The following ELAPOR1 variants were observed in gnomAD, a reference collection of about 807,000 sequenced individuals.
The protein encoded by ELAPOR1 is endosome/lysosome-associated apoptosis and autophagy regulator 1.
A neutral mutation model predicts 119.7 loss-of-function variants in ELAPOR1; 77 were observed. The ratio of observed to expected loss-of-function variants is 0.64; its 90% CI spans 0.54 to 0.78. The LOEUF is 0.78. Among genes scored for constraint, ELAPOR1 ranks in the 30% least tolerant of loss-of-function variants. The pLI, the probability that ELAPOR1 is intolerant of heterozygous loss-of-function variation, is 0.00. For synonymous variants in ELAPOR1, 481 were observed against 487.2 expected (o/e 0.99, Z 0.17); for missense variants, 1,115 against 1,270.4 (o/e 0.88, Z 1.86).
At chr1:109,134,172 TCTC>T (rs1319198436) in intron 1 of ELAPOR1, among the ~76,000 whole-genome samples, 1 of 152,134 alleles carries the variant, frequency 6.6e-6, no homozygotes, top group East Asian at 1.9e-4. Context: ...GCTTGAGTGT[TCTC>T]CTTTAGATTC....
intron 13 of ELAPOR1, among the ~76,000 whole-genome samples, chr1:109,192,139 T>G (rs906211475): frequency 5.9e-5 from 9 of 152,162 alleles, no homozygotes; most frequent in Admixed American, 2.6e-4. Flanking sequence ...TTTTTAATAA[T>G]AACAACTCTG....
At chr1:109,121,866 C>T (rs1002140910) in intron 1 of ELAPOR1, among the ~76,000 whole-genome samples, 4 of 151,090 alleles carry the variant, frequency 2.6e-5, no homozygotes, top group East Asian at 1.9e-4. Context: ...CTCTGCTTCC[C>T]GGGTTCAAGC....
Position 109,204,675 on chromosome 1 carries a change from A to C in ELAPOR1, c.*1663A>C, listed in dbSNP as rs1654386357. 6.6e-6 allele frequency: 1 copy of C among 152,338 alleles called. No homozygotes were observed. Among genetic ancestry groups the C allele is most frequent in the African/African-American group, 2.4e-5 (1 of 41,476 alleles). The allele number at this position is 152,338 out of a possible 1,614,324, so 9.4% of individuals were successfully genotyped here. A position where few individuals can be genotyped will look rare whatever the true frequency, so the allele number is the denominator to read the frequency against. On this transcript the variant is annotated 3_prime_UTR_variant, in exon 22 of 22. Transcript: ENST00000369939. ...TAACGCATCTGCTCAGGCACAGAAT[A>C]AACGTCTAGGCTGGCCAAAAAAGGA...
At chr1:109,202,092 C>T (rs1654205221) in intron 21 of ELAPOR1, among the ~76,000 whole-genome samples, 1 of 152,018 alleles carries the variant, frequency 6.6e-6, no homozygotes, top group African/African-American at 2.4e-5. Context: ...AGAGCGAGAC[C>T]CTGTCTCTAA....
chr1:109,198,859 A>G (rs1352265128), intron 18 of ELAPOR1, among the ~76,000 whole-genome samples, 185 bp downstream of exon 18: 2 of 152,234 alleles, frequency 1.3e-5, no homozygotes, highest in Non-Finnish European at 2.9e-5. Context: ...GGTAGAAGGA[A>G]GAGTGAAAGC....
chr1:109,130,307 T>C (rs991661017), intron 1 of ELAPOR1, among the ~76,000 whole-genome samples: 5 of 152,102 alleles, frequency 3.3e-5, no homozygotes, highest in African/African-American at 1.2e-4. Context: ...CTGTTATGGT[T>C]ATCAAGTGCC....
At chr1:109,197,230 TG>T (rs1323592266) in intron 15 of ELAPOR1, among the ~76,000 whole-genome samples, 2 of 152,042 alleles carry the variant, frequency 1.3e-5, no homozygotes, top group Non-Finnish European at 2.9e-5. Flanking sequence ...AAGGCTTTAG[TG>T]AGCTATGATT....
chr1:109,184,267 A>C (rs1224300005), intron 7 of ELAPOR1, among the ~76,000 whole-genome samples: 2 of 152,078 alleles, frequency 1.3e-5, no homozygotes, highest in African/African-American at 4.8e-5. Flanking sequence ...GCTACTCAAG[A>C]AGCTGAGGCA....
intron 1 of ELAPOR1, among the ~76,000 whole-genome samples, chr1:109,159,900 CA>C (rs2101036543): frequency 6.6e-6 from 1 of 152,336 alleles, no homozygotes; most frequent in Admixed American, 6.5e-5. Context: ...TTAATTTATA[CA>C]CAGTGGATTT....
At chr1:109,155,269 G>A (rs529929143) in intron 1 of ELAPOR1, among the ~76,000 whole-genome samples, 4 of 152,070 alleles carry the variant, frequency 2.6e-5, no homozygotes, top group Admixed American at 6.5e-5. Flanking sequence ...TCCGCCTCCC[G>A]GGTTCACGCC....
rs150155888 is a variant in ELAPOR1, at chr1:109,183,774, G to A, written c.953-1271G>A. ...TGGGACTATAGGCCTGCACCACCAC[G>A]CCCGGCTAATTTTTGTATTTTTTGT... On this transcript the variant is annotated intron_variant, in intron 7 of 21. Coordinates refer to ENST00000369939, the MANE Select transcript of ELAPOR1 (RefSeq NM_020775.5). 4.3e-3 allele frequency among the ~76,000 whole-genome samples: 652 copies of A among 151,982 alleles called. 2 individuals are homozygous for A. The highest frequency in any genetic ancestry group is 6.1e-3 in the Non-Finnish European group (415 of 67,980).
intron 16 of ELAPOR1, 110 bp downstream of exon 16, chr1:109,197,764 A>G: frequency 8.2e-7 from 1 of 1,224,264 alleles, no homozygotes; most frequent in Non-Finnish European, 1.1e-6. Flanking sequence ...AAGGCCCCAC[A>G]TGAGGGGCCC....
At chr1:109,164,247 T>C (rs1465171816) in intron 2 of ELAPOR1, among the ~76,000 whole-genome samples, 1 of 152,100 alleles carries the variant, frequency 6.6e-6, no homozygotes, top group Non-Finnish European at 1.5e-5. Context: ...ACTTTCTGTC[T>C]CTATGGCTTC....
chr1:109,197,344 A>G, intron 15 of ELAPOR1, 130 bp from the exon 16 acceptor site: 1 of 756,450 alleles, frequency 1.3e-6, no homozygotes, highest in Non-Finnish European at 2.2e-6. Flanking sequence ...CCTGGGATGA[A>G]TCATTCCCCT....
rs971670695 is a variant in ELAPOR1 at position 109,204,315 on chromosome 1, A to C, written c.*1303A>C. On this transcript the variant is annotated 3_prime_UTR_variant, in exon 22 of 22. Transcript: ENST00000369939. ...AAGCCAAAGGAATAAGTTCATCAAG[A>C]AAATGCCCAAAGCCCTGGTGGATAC... The C allele has an allele frequency of 1.3e-5, 2 of 152,270 alleles. No homozygotes were observed. Among genetic ancestry groups the C allele is most frequent in the Non-Finnish European group, 2.9e-5 (2 of 68,058 alleles). 9.4% of individuals were successfully genotyped at this position (152,270 alleles called of 1,614,324 possible).
At position 109,203,247 on chromosome 1, in the gene ELAPOR1, T is replaced by A. The variant is rs1443378750; in HGVS notation, c.*235T>A. The A allele has an allele frequency of 2.0e-6, 1 of 503,956 alleles. No individual in the cohort carries two copies. The highest frequency in any genetic ancestry group is 2.0e-5 in the African/African-American group (1 of 49,340). The allele number at this position is 503,956 out of a possible 1,614,324, so 31.2% of individuals were successfully genotyped here. A position where few individuals can be genotyped will look rare whatever the true frequency, so the allele number is the denominator to read the frequency against. On this transcript the variant is annotated 3_prime_UTR_variant, in exon 22 of 22. Coordinates refer to ENST00000369939, the MANE Select transcript of ELAPOR1 (RefSeq NM_020775.5). ...TTTGTAAATTATGCCCTTGCTTGTA[T>A]CTTGTTTCCCAAAATGGCCCATCCG...
At chr1:109,141,772 C>T (rs968199081) in intron 1 of ELAPOR1, among the ~76,000 whole-genome samples, 3 of 151,408 alleles carry the variant, frequency 2.0e-5, no homozygotes, top group Non-Finnish European at 4.4e-5. Context: ...CTCACATGAT[C>T]CTCCTACCTC....
chr1:109,126,747 A>G (rs1421333088), intron 1 of ELAPOR1, among the ~76,000 whole-genome samples: 1 of 152,240 alleles, frequency 6.6e-6, no homozygotes, highest in Non-Finnish European at 1.5e-5. Flanking sequence ...CTGGGATTAC[A>G]GGTGTCAGCC....
intron 7 of ELAPOR1, among the ~76,000 whole-genome samples, chr1:109,183,499 T>C (rs1652847011): frequency 6.6e-6 from 1 of 152,170 alleles, no homozygotes; most frequent in South Asian, 2.1e-4. Flanking sequence ...GAGGAGAACA[T>C]GCAGAGAGCA....
Sources: allele counts gnomAD v4.1 joint callset (sites outside exome capture counted in the v4.1 genomes callset), GRCh38; gene constraint gnomAD v4.1.1; transcripts MANE v1.5; gene names NCBI Gene and HGNC (gene_info 2026-07-23, HGNC 2026-07-21).